HS3ST5: variants seen among roughly 807,000 people sequenced by gnomAD.
HS3ST5 encodes heparan sulfate glucosamine 3-O-sulfotransferase 5.
A neutral mutation model predicts 25.4 loss-of-function variants in HS3ST5; 10 were observed. That is an observed-to-expected ratio of 0.39 (90% confidence interval 0.24 to 0.67). The LOEUF is 0.67. Among genes scored for constraint, HS3ST5 ranks in the 30% least tolerant of loss-of-function variants. The pLI is 0.44. For synonymous variants in HS3ST5, 170 were observed against 162.4 expected, an observed-to-expected ratio of 1.05 and a Z score of -0.36; for missense variants, 324 against 420.7, an observed-to-expected ratio of 0.77 and a Z score of 2.01.
At chr6:114,106,287 C>T (rs970165200) in intron 3 of HS3ST5, among the ~76,000 whole-genome samples, 10 of 151,844 alleles carry the variant, frequency 6.6e-5, no homozygotes, top group African/African-American at 2.4e-4. Context: ...ATAGACCTAT[C>T]GAATAAAATG....
chr6:114,138,307 C>T (rs1211263286), intron 3 of HS3ST5, among the ~76,000 whole-genome samples: 5 of 152,126 alleles, frequency 3.3e-5, no homozygotes, highest in Admixed American at 6.5e-5. Context: ...CTTCACAAAA[C>T]GGCTTTTGGA....
rs1448445181 is a variant in HS3ST5 at position 114,056,599 on chromosome 6, A to G, written c.*658T>C. On this transcript the variant is annotated 3_prime_UTR_variant, in exon 5 of 5. Coordinates refer to ENST00000312719, the MANE Select transcript of HS3ST5 (RefSeq NM_153612.4). ...ATTTACAACAATATACATTATGTAC[A>G]TGACATTTCTCTCTGTTGACATACA... 3 of 152,234 alleles carry G rather than the reference A, an allele frequency of 2.0e-5. No homozygotes were observed. Among genetic ancestry groups the G allele is most frequent in the Non-Finnish European group, 4.4e-5 (3 of 68,056 alleles). 9.4% of individuals were successfully genotyped at this position (152,234 alleles called of 1,614,324 possible). A position where few individuals can be genotyped will look rare whatever the true frequency, so the allele number is the denominator to read the frequency against.
chr6:114,127,855 T>TAG lies in HS3ST5; in HGVS notation c.-33+40494_-33+40495dup, dbSNP rs796967703. 8.1e-3 allele frequency among the ~76,000 whole-genome samples: 1,194 copies of TAG among 147,044 alleles called. 6 individuals are homozygous for TAG. Among genetic ancestry groups the TAG allele is most frequent in the Non-Finnish European group, 0.012 (835 of 66,938 alleles). On this transcript the variant is annotated intron_variant, in intron 3 of 4. Coordinates refer to ENST00000312719, the MANE Select transcript of HS3ST5 (RefSeq NM_153612.4). ...AAAAGGACAAATATATATATATATA[T>TAG]AGAGAGAGAGAGAGAGAGACTTATA...
At chr6:114,147,570 A>T (rs1778229779) in intron 3 of HS3ST5, among the ~76,000 whole-genome samples, 3 of 152,010 alleles carry the variant, frequency 2.0e-5, no homozygotes, top group African/African-American at 7.2e-5. Context: ...ATGAGAAATA[A>T]ACTTCCTTTT....
At chr6:114,317,695 A>C (rs1775795969) in intron 1 of HS3ST5, among the ~76,000 whole-genome samples, 1 of 149,058 alleles carries the variant, frequency 6.7e-6, no homozygotes. Context: ...CGTCATGCTT[A>C]TGCTTTACTT....
At position 114,296,772 on chromosome 6, in the gene HS3ST5, G is replaced by A. The variant is rs894181751; in HGVS notation, c.-339+45423C>T. ...AGTCAAAACAAATGATACTCAAGAC[G>A]ACAAGACAATGTAAATGAAAGCTCC... On this transcript the variant is annotated intron_variant, in intron 1 of 4. Transcript: ENST00000312719. 8.5e-5 allele frequency among the ~76,000 whole-genome samples: 13 copies of A among 152,190 alleles called. 1 individual carries two copies. The highest frequency in any genetic ancestry group is 8.3e-4 in the South Asian group (4 of 4,818).
chr6:114,063,559 A>C (rs561616394), intron 3 of HS3ST5, among the ~76,000 whole-genome samples: 5 of 152,130 alleles, frequency 3.3e-5, no homozygotes, highest in African/African-American at 9.6e-5. Context: ...ACAGCAGGGC[A>C]ACCATAAACT....
intron 2 of HS3ST5, among the ~76,000 whole-genome samples, chr6:114,178,160 A>C (rs1326503812): frequency 6.6e-6 from 1 of 152,222 alleles, no homozygotes; most frequent in Non-Finnish European, 1.5e-5. Context: ...TTCTATATAT[A>C]TGAACAAAGG....
chr6:114,105,813 A>G (rs1260754370), intron 3 of HS3ST5, among the ~76,000 whole-genome samples: 1 of 152,200 alleles, frequency 6.6e-6, no homozygotes, highest in East Asian at 1.9e-4. Flanking sequence ...CTCTTGTTAT[A>G]CAATGATTAA....
At chr6:114,254,562 A>G (rs1413252659) in intron 1 of HS3ST5, among the ~76,000 whole-genome samples, 1 of 152,198 alleles carries the variant, frequency 6.6e-6, no homozygotes, top group Non-Finnish European at 1.5e-5. Flanking sequence ...GTCCTTTTTC[A>G]CACTGCTGAT....
intron 2 of HS3ST5, among the ~76,000 whole-genome samples, chr6:114,202,592 T>G (rs1048503325): frequency 2.0e-5 from 3 of 152,172 alleles, no homozygotes; most frequent in Admixed American, 2.0e-4. Context: ...ATAGGTTGGC[T>G]GTCAGGTTCA....
At chr6:114,170,385 T>C (rs1229918341) in intron 2 of HS3ST5, among the ~76,000 whole-genome samples, 1 of 152,178 alleles carries the variant, frequency 6.6e-6, no homozygotes, top group Non-Finnish European at 1.5e-5. Flanking sequence ...AAAAATTTAA[T>C]CACAAAATTA....
chr6:114,151,724 G>A (rs959919611), intron 3 of HS3ST5, among the ~76,000 whole-genome samples: 2 of 152,018 alleles, frequency 1.3e-5, no homozygotes, highest in Non-Finnish European at 2.9e-5. Flanking sequence ...AAGCTCCTTT[G>A]AAAGAAGACA....
intron 1 of HS3ST5, among the ~76,000 whole-genome samples, chr6:114,315,717 T>C (rs765192316): frequency 1.3e-5 from 2 of 152,246 alleles, no homozygotes; most frequent in African/African-American, 2.4e-5. Context: ...TTCTTTTTTC[T>C]GTATGCTTTT....
At chr6:114,064,032 C>T (rs1377174152) in intron 3 of HS3ST5, among the ~76,000 whole-genome samples, 2 of 152,110 alleles carry the variant, frequency 1.3e-5, no homozygotes, top group Non-Finnish European at 1.5e-5. Flanking sequence ...TGCAAGTTCC[C>T]AATTCAGCCT....
intron 2 of HS3ST5, among the ~76,000 whole-genome samples, chr6:114,207,458 C>G (rs1781320266): frequency 6.6e-6 from 1 of 152,136 alleles, no homozygotes; most frequent in African/African-American, 2.4e-5. Flanking sequence ...CACAGCACTT[C>G]ATTATAAATA....
intron 1 of HS3ST5, among the ~76,000 whole-genome samples, chr6:114,334,046 C>T (rs537929191): frequency 2.0e-5 from 3 of 152,322 alleles, no homozygotes; most frequent in South Asian, 2.1e-4. Context: ...TGCCTCAGCT[C>T]TCTGCTTCTG....
intron 3 of HS3ST5, among the ~76,000 whole-genome samples, chr6:114,158,607 C>T (rs1778806722): frequency 6.6e-6 from 1 of 152,140 alleles, no homozygotes; most frequent in Admixed American, 6.5e-5. Flanking sequence ...GTTGGCAGAG[C>T]TAGGATTCTA....
intron 1 of HS3ST5, among the ~76,000 whole-genome samples, chr6:114,328,283 C>T (rs941737735): frequency 1.3e-5 from 2 of 151,730 alleles, no homozygotes; most frequent in Non-Finnish European, 2.9e-5. Context: ...GGAAGGGTAG[C>T]GATAGTGTCT....
Sources: allele counts gnomAD v4.1 joint callset (sites outside exome capture counted in the v4.1 genomes callset), GRCh38; gene constraint gnomAD v4.1.1; transcripts MANE v1.5; gene names NCBI Gene and HGNC (gene_info 2026-07-23, HGNC 2026-07-21).